The following SLC13A1 variants were observed in gnomAD, a reference collection of about 807,000 sequenced individuals.
The protein encoded by SLC13A1 is solute carrier family 13 member 1, also known as Na(+)/sulfate cotransporter.
In SLC13A1, 65 loss-of-function variants were observed where a neutral mutation model predicts 70.0. That is an observed-to-expected ratio of 0.93 (90% CI 0.76 to 1.14). The LOEUF is 1.14. Ranked by LOEUF, SLC13A1 falls within the 50% of genes most tolerant of loss-of-function variation. The pLI, the probability that SLC13A1 is intolerant of heterozygous loss-of-function variation, is 0.00. For synonymous variants in SLC13A1, 275 were observed against 250.5 expected, an observed-to-expected ratio of 1.10 and a Z score of -0.92; for missense variants, 726 against 717.8, an observed-to-expected ratio of 1.01 and a Z score of -0.13.
chr7:123,118,870 A>T (rs1793268871), intron 13 of SLC13A1, among the ~76,000 whole-genome samples: 1 of 152,094 alleles, frequency 6.6e-6, no homozygotes. Context: ...TTCACTTAAG[A>T]TCATGCTGCT....
intron 2 of SLC13A1, among the ~76,000 whole-genome samples, chr7:123,179,380 C>T (rs371044489): frequency 2.0e-5 from 3 of 152,116 alleles, no homozygotes; most frequent in Admixed American, 6.6e-5. Context: ...TGATTTCATC[C>T]GTTAGAGATA....
chr7:123,125,583 G>A lies in SLC13A1; in HGVS notation c.1226C>T (p.Pro409Leu), dbSNP rs747468153. 4 of 1,606,652 alleles carry A rather than the reference G, an allele frequency of 2.5e-6. No homozygotes were observed. In the East Asian group the frequency reaches 6.7e-5, roughly 27 times the overall value. Residue 409 changes from proline to leucine, a missense_variant, in exon 11 of 15, where the codon CCT (proline) becomes CTT (leucine). Coordinates refer to ENST00000194130, the MANE Select transcript of SLC13A1 (RefSeq NM_022444.4). The part of the protein sequence containing the change: ...IPAKTLTKTT[P>L]TGEIVAFDYS... ...TGATACTCAACCAATTTCTCCTGTAGGTGTAGTTTTAGTCAGTGTCTTAGC... is the reference window on the plus strand; with the variant it reads ...TGATACTCAACCAATTTCTCCTGTAAGTGTAGTTTTAGTCAGTGTCTTAGC...
At chr7:123,137,560 A>T (rs1585313105) in intron 7 of SLC13A1, among the ~76,000 whole-genome samples, 1 of 152,028 alleles carries the variant, frequency 6.6e-6, no homozygotes, top group Admixed American at 6.6e-5. Flanking sequence ...GCTGAGAGTG[A>T]CCCCATGCCA....
intron 12 of SLC13A1, among the ~76,000 whole-genome samples, chr7:123,121,698 C>T (rs1173896793): frequency 6.6e-6 from 1 of 152,060 alleles, no homozygotes; most frequent in African/African-American, 2.4e-5. Flanking sequence ...AAAACAAAAA[C>T]CCAGGGGCAT....
intron 7 of SLC13A1, among the ~76,000 whole-genome samples, chr7:123,135,635 T>C (rs1358571358): frequency 6.6e-6 from 1 of 152,198 alleles, no homozygotes; most frequent in Admixed American, 6.5e-5. Context: ...TCATGTTATA[T>C]CTATGTAGCA....
chr7:123,172,769 T>C lies in SLC13A1; in HGVS notation c.229-865A>G, dbSNP rs540864829. The stretch of plus-strand genomic sequence containing the variant: ...CAGCAGTATTTCTTAAAGAATACTT[T>C]GAAATACATTTAGGTACATAATCTT... On this transcript the variant is annotated intron_variant, in intron 2 of 14. Coordinates refer to ENST00000194130, the MANE Select transcript of SLC13A1 (RefSeq NM_022444.4). Among the ~76,000 whole-genome samples the C allele has an allele frequency of 1.8e-4, 27 of 152,188 alleles. No individual in the cohort carries two copies. The South Asian group carries it at 5.6e-3, about 32-fold the overall frequency.
At chr7:123,137,270 T>C (rs1185282969) in intron 7 of SLC13A1, among the ~76,000 whole-genome samples, 2 of 152,130 alleles carry the variant, frequency 1.3e-5, no homozygotes, top group South Asian at 2.1e-4. Context: ...TGTACATGCC[T>C]TGTACGATCT....
At chr7:123,170,008 A>G (rs1303379595) in intron 3 of SLC13A1, among the ~76,000 whole-genome samples, 1 of 152,000 alleles carries the variant, frequency 6.6e-6, no homozygotes. Flanking sequence ...GTCTTCTTTT[A>G]TAAATAGAGT....
chr7:123,133,897 G>C (rs1048248567), intron 8 of SLC13A1, among the ~76,000 whole-genome samples: 1 of 151,984 alleles, frequency 6.6e-6, no homozygotes, highest in Non-Finnish European at 1.5e-5. Context: ...TAGTGCAGTG[G>C]TGTGATCTCA....
chr7:123,172,395 T>A lies in SLC13A1; in HGVS notation c.229-491A>T, dbSNP rs562991492. 2.6e-5 allele frequency among the ~76,000 whole-genome samples: 4 copies of A among 152,290 alleles called. No homozygotes were observed. The South Asian group carries it at 8.3e-4, about 32-fold the overall frequency. Reference sequence around the variant, plus strand: ...CAGCATTTTGGGAGGCCAAAGCAGGTGGATCACTTGAGGTCAGGAGTTCGA... The same window carrying A: ...CAGCATTTTGGGAGGCCAAAGCAGGAGGATCACTTGAGGTCAGGAGTTCGA... On this transcript the variant is annotated intron_variant, in intron 2 of 14. Transcript: ENST00000194130.
intron 6 of SLC13A1, among the ~76,000 whole-genome samples, chr7:123,148,065 G>T (rs1468372142): frequency 6.6e-6 from 1 of 152,100 alleles, no homozygotes. Context: ...TGAGAGATAA[G>T]TCAGTGTCCT....
At chr7:123,186,455 G>A (rs187242524) in intron 1 of SLC13A1, among the ~76,000 whole-genome samples, 2 of 152,138 alleles carry the variant, frequency 1.3e-5, no homozygotes, top group African/African-American at 4.8e-5. Flanking sequence ...GTGACCAATT[G>A]TTTCAAGCTA....
intron 6 of SLC13A1, among the ~76,000 whole-genome samples, chr7:123,157,719 A>G (rs897569841): frequency 4.6e-5 from 7 of 152,158 alleles, no homozygotes; most frequent in African/African-American, 1.7e-4. Context: ...ATGAGATGCT[A>G]TTTAAAATAT....
At chr7:123,189,133 G>GA (rs61016384) in intron 1 of SLC13A1, among the ~76,000 whole-genome samples, 11 of 120,370 alleles carry the variant, frequency 9.1e-5, no homozygotes, top group South Asian at 5.4e-4. Flanking sequence ...AAAAAAAAAA[G>GA]AAAGAAAATC....
At chr7:123,167,265 G>T (rs1795107849) in intron 6 of SLC13A1, among the ~76,000 whole-genome samples, 1 of 152,070 alleles carries the variant, frequency 6.6e-6, no homozygotes, top group African/African-American at 2.4e-5. Flanking sequence ...AACATACCTG[G>T]CATACTGTTA....
At chr7:123,122,790 T>C (rs28364214) in intron 12 of SLC13A1, among the ~76,000 whole-genome samples, 2 of 152,118 alleles carry the variant, frequency 1.3e-5, no homozygotes, top group Admixed American at 1.3e-4. Flanking sequence ...AAACGAAAAG[T>C]ATATTTCACT....
At chr7:123,146,912 G>T (rs17541728) in intron 7 of SLC13A1, among the ~76,000 whole-genome samples, 6,187 of 152,140 alleles carry the variant, frequency 0.041, 208 homozygotes, top group Non-Finnish European at 0.057. Flanking sequence ...TGTTAAGGGT[G>T]GTCAGCCAAG....
chr7:123,137,838 C>G (rs1033404657), intron 7 of SLC13A1, among the ~76,000 whole-genome samples: 1 of 152,068 alleles, frequency 6.6e-6, no homozygotes, highest in African/African-American at 2.4e-5. Context: ...TGTTTTGATA[C>G]AGGCATTCAA....
intron 7 of SLC13A1, among the ~76,000 whole-genome samples, chr7:123,135,124 G>A (rs934798191): frequency 1.3e-5 from 2 of 152,166 alleles, no homozygotes; most frequent in Admixed American, 1.3e-4. Context: ...CTAGAACCAG[G>A]TGGTGCTTTG....
Sources: gnomAD v4.1 joint callset for allele counts (sites outside exome capture counted in the v4.1 genomes callset) on GRCh38, gnomAD v4.1.1 for gene constraint, MANE v1.5 for transcripts, NCBI Gene and HGNC (gene_info 2026-07-23, HGNC 2026-07-21) for gene names.